PCSK6: variants seen among roughly 807,000 people sequenced by gnomAD.
PCSK6 encodes proprotein convertase subtilisin/kexin type 6.
In PCSK6, 85 loss-of-function variants were observed where a neutral mutation model predicts 123.3. The ratio of observed to expected loss-of-function variants is 0.69; its 90% CI spans 0.58 to 0.83. PCSK6 has a LOEUF of 0.83. Ranked by LOEUF, PCSK6 falls within the 40% of genes least tolerant of loss-of-function variation. The probability of loss-of-function intolerance (pLI) is 0.00; values close to 1 mark genes in which losing one functional copy is unlikely to be tolerated. For missense variants in PCSK6, 1,191 were observed against 1,282.3 expected (o/e 0.93, Z 1.09); for synonymous variants, 508 against 516.0 (o/e 0.98, Z 0.21).
intron 2 of PCSK6, among the ~76,000 whole-genome samples, chr15:101,433,528 A>T (rs779814235): frequency 1.5e-4 from 23 of 152,198 alleles, no homozygotes; most frequent in Non-Finnish European, 2.6e-4. Context: ...TCTGCACTAC[A>T]TTCAGGGGAT....
intron 1 of PCSK6, among the ~76,000 whole-genome samples, chr15:101,479,918 G>A (rs1378612524): frequency 6.6e-6 from 1 of 152,188 alleles, no homozygotes; most frequent in Non-Finnish European, 1.5e-5. Flanking sequence ...CAGGAAGGGG[G>A]ACAGGACCTT....
chr15:101,346,296 T>G (rs977926241), intron 13 of PCSK6: 1 of 152,286 alleles, frequency 6.6e-6, no homozygotes, highest in Non-Finnish European at 1.5e-5. Context: ...GAAAGCAATC[T>G]ACATGTCCAA....
intron 6 of PCSK6, among the ~76,000 whole-genome samples, chr15:101,411,110 T>C (rs1490091392): frequency 6.6e-6 from 1 of 152,182 alleles, no homozygotes; most frequent in Non-Finnish European, 1.5e-5. Context: ...ACAGACGAGC[T>C]GTCTTGAGGC....
At chr15:101,428,873 T>C (rs917336896) in intron 5 of PCSK6, among the ~76,000 whole-genome samples, 1 of 152,144 alleles carries the variant, frequency 6.6e-6, no homozygotes, top group Non-Finnish European at 1.5e-5. Flanking sequence ...TGGGATTGAA[T>C]CCTGCCCTTC....
intron 1 of PCSK6, among the ~76,000 whole-genome samples, chr15:101,459,346 C>T (rs1193353149): frequency 6.6e-6 from 1 of 152,070 alleles, no homozygotes; most frequent in Admixed American, 6.5e-5. Context: ...CCTGGTTGCA[C>T]AATAAATTCT....
chr15:101,427,762 G>A lies in PCSK6; in HGVS notation c.823+130C>T, dbSNP rs570106661. On this transcript the variant is annotated intron_variant, in intron 6 of 21. Coordinates refer to ENST00000611716, the MANE Select transcript of PCSK6 (RefSeq NM_002570.5). ...GCCATGATACAGACGGCACTGCTGC[G>A]TCTGGCCCAGGGGTCTGCTGACATG... 3.7e-4 allele frequency: 241 copies of A among 656,792 alleles called. 4 individuals carry two copies. Among genetic ancestry groups the A allele is most frequent in the South Asian group, 3.3e-3 (173 of 53,014 alleles). 40.7% of individuals were successfully genotyped at this position (656,792 alleles called of 1,614,324 possible).
chr15:101,379,874 C>T lies in PCSK6; in HGVS notation c.1532+2218G>A, dbSNP rs570472399. On this transcript the variant is annotated intron_variant, in intron 11 of 21. Coordinates refer to ENST00000611716, the MANE Select transcript of PCSK6 (RefSeq NM_002570.5). ...TCAGTGGCAGAGCTGGCTGGAGCTC[C>T]CTGCCAGGAGGGGAGACCCACAGGT... is the stretch of plus-strand genomic sequence containing the variant. Among the ~76,000 whole-genome samples the T allele has an allele frequency of 1.6e-4, 24 of 152,328 alleles. No homozygotes were observed. The East Asian group carries it at 2.9e-3, about 18-fold the overall frequency.
At chr15:101,395,028 A>C (rs116085899) in intron 7 of PCSK6, among the ~76,000 whole-genome samples, 1,715 of 152,288 alleles carry the variant, frequency 0.011, 35 homozygotes, top group African/African-American at 0.039. Flanking sequence ...GCAGGAAGAG[A>C]TTCAGCTGAA....
At chr15:101,319,721 G>A (rs143471068) in intron 18 of PCSK6, among the ~76,000 whole-genome samples, 1 of 152,318 alleles carries the variant, frequency 6.6e-6, no homozygotes, top group South Asian at 2.1e-4. Flanking sequence ...GGAGAGCTCT[G>A]GGGTGGTGAA....
intron 2 of PCSK6, among the ~76,000 whole-genome samples, chr15:101,442,556 C>T (rs975913262): frequency 2.0e-5 from 3 of 152,100 alleles, no homozygotes; most frequent in African/African-American, 7.2e-5. Context: ...AAAAAGAGCC[C>T]TGATTGTCAT....
chr15:101,478,412 A>G (rs2057786648), intron 1 of PCSK6, among the ~76,000 whole-genome samples: 1 of 152,172 alleles, frequency 6.6e-6, no homozygotes, highest in Non-Finnish European at 1.5e-5. Flanking sequence ...GGCACGAGCC[A>G]GACTGCTTCT....
At chr15:101,346,940 G>T in intron 13 of PCSK6, 1 of 1,231,606 alleles carries the variant, frequency 8.1e-7, no homozygotes, top group Non-Finnish European at 1.0e-6. Flanking sequence ...GGAGAGTTTT[G>T]GGGAAAGGCG....
chr15:101,355,576 C>T (rs1460247936), intron 13 of PCSK6, among the ~76,000 whole-genome samples: 1 of 152,252 alleles, frequency 6.6e-6, no homozygotes, highest in Non-Finnish European at 1.5e-5. Flanking sequence ...ACCCCTCACA[C>T]CCATGCCTAC....
intron 13 of PCSK6, among the ~76,000 whole-genome samples, chr15:101,333,779 C>G (rs1192244065): frequency 6.7e-6 from 1 of 150,284 alleles, no homozygotes; most frequent in Non-Finnish European, 1.5e-5. Flanking sequence ...AGGCTGTAAT[C>G]CACACCATCC....
At chr15:101,408,503 G>A (rs1411359758) in intron 6 of PCSK6, among the ~76,000 whole-genome samples, 1 of 152,234 alleles carries the variant, frequency 6.6e-6, no homozygotes, top group Non-Finnish European at 1.5e-5. Context: ...AAGGGGCTAT[G>A]CCAGTTCTTG....
chr15:101,450,066 C>T (rs900060238), intron 1 of PCSK6, among the ~76,000 whole-genome samples: 1 of 152,158 alleles, frequency 6.6e-6, no homozygotes, highest in Non-Finnish European at 1.5e-5. Flanking sequence ...CCTCCTGAGG[C>T]GTTCCTTGTC....
chr15:101,457,462 C>T (rs957609026), intron 1 of PCSK6, among the ~76,000 whole-genome samples: 4 of 152,190 alleles, frequency 2.6e-5, no homozygotes, highest in Admixed American at 6.5e-5. Context: ...CCTCCCAGGG[C>T]GCAGGCTGGT....
chr15:101,356,002 C>T (rs2141422666), intron 13 of PCSK6, among the ~76,000 whole-genome samples: 1 of 152,294 alleles, frequency 6.6e-6, no homozygotes, highest in Middle Eastern at 3.4e-3. Context: ...ACAGGAAAAG[C>T]GGAGGCAGGA....
At chr15:101,391,716 G>A (rs377431346) in intron 8 of PCSK6, among the ~76,000 whole-genome samples, 4 of 152,258 alleles carry the variant, frequency 2.6e-5, no homozygotes, top group African/African-American at 7.2e-5. Context: ...GTGATATGTC[G>A]ACTATCCTGA....
Sources: gnomAD v4.1 joint callset for allele counts (sites outside exome capture counted in the v4.1 genomes callset) on GRCh38, gnomAD v4.1.1 for gene constraint, MANE v1.5 for transcripts, NCBI Gene and HGNC (gene_info 2026-07-23, HGNC 2026-07-21) for gene names.